Variants in MBD5 observed in about 807,000 individuals in gnomAD.
MBD5 encodes the protein methyl-CpG binding domain protein 5, also known as methyl-CpG-binding domain protein 5.
In MBD5, 13 loss-of-function variants were observed where a neutral mutation model predicts 117.3. That is an observed-to-expected ratio of 0.11 (90% CI 0.07 to 0.18). MBD5 has a LOEUF of 0.18. Among genes scored for constraint, MBD5 ranks in the 10% least tolerant of loss-of-function variants. The probability of loss-of-function intolerance (pLI) is 1.00; values close to 1 mark genes in which losing one functional copy is unlikely to be tolerated. For missense variants in MBD5, 1,879 were observed against 2,093.8 expected (o/e 0.90, Z 2.00); for synonymous variants, 727 against 766.4 (o/e 0.95, Z 0.85).
chr2:148,087,136 G>A (rs1334993500), intron 1 of MBD5, among the ~76,000 whole-genome samples: 1 of 152,134 alleles, frequency 6.6e-6, no homozygotes, highest in East Asian at 1.9e-4. Flanking sequence ...ACCACCACAG[G>A]AGTATACCAG....
chr2:148,405,457 T>TGGAAGAGCATGCCAGGAAAAC (rs1705047195), intron 4 of MBD5, among the ~76,000 whole-genome samples: 3 of 152,048 alleles, frequency 2.0e-5, no homozygotes, highest in African/African-American at 7.3e-5. Flanking sequence ...TCGGAAGAGC[T>TGGAAGAGCATGCCAGGAAAAC]GGAAGAGCAT....
chr2:148,204,627 C>G (rs1312317263), intron 2 of MBD5, among the ~76,000 whole-genome samples: 1 of 152,078 alleles, frequency 6.6e-6, no homozygotes, highest in East Asian at 1.9e-4. Flanking sequence ...TCTGTCTTAT[C>G]CACATCAACA....
In MBD5 at chr2:148,469,940, T is replaced by G; in HGVS notation, c.1997T>G (p.Val666Gly). Residue 666 changes from valine to glycine, a missense_variant, in exon 8 of 14, where the codon GTG becomes GGG. This residue lies in a region of MBD5 where 1,666 missense variants were observed against 1,792.2 expected (regional missense o/e 0.93). Coordinates refer to ENST00000642680, the MANE Select transcript of MBD5 (RefSeq NM_001378120.1). Reference protein sequence around the residue: ...LRKRKQPPTTVLSLLRQSQMD... With the variant: ...LRKRKQPPTTGLSLLRQSQMD... The stretch of plus-strand genomic sequence containing the variant: ...AAAAGAAAACAACCACCTACGACAG[T>G]GTTGAGTTTGCTCAGACAGTCTCAA... 6.2e-7 allele frequency: 1 copy of G among 1,613,966 alleles called. No individual in the cohort carries two copies. Among genetic ancestry groups the G allele is most frequent in the East Asian group, 2.2e-5 (1 of 44,880 alleles).
chr2:148,293,959 A>G (rs897762903), intron 3 of MBD5, among the ~76,000 whole-genome samples: 6 of 152,142 alleles, frequency 3.9e-5, no homozygotes, highest in African/African-American at 1.4e-4. Flanking sequence ...TTTTTCGATC[A>G]ATTAAGGAAA....
At chr2:148,321,273 A>G (rs759615936) in intron 3 of MBD5, among the ~76,000 whole-genome samples, 1 of 152,204 alleles carries the variant, frequency 6.6e-6, no homozygotes, top group Non-Finnish European at 1.5e-5. Flanking sequence ...TGGGCCACAC[A>G]TAAAATACAC....
chr2:148,386,016 G>C (rs1303331463), intron 4 of MBD5, among the ~76,000 whole-genome samples: 1 of 149,612 alleles, frequency 6.7e-6, no homozygotes, highest in Non-Finnish European at 1.5e-5. Flanking sequence ...TGCTAAATGA[G>C]GAGTTAATGG....
At chr2:148,214,478 A>T (rs544384006) in intron 2 of MBD5, among the ~76,000 whole-genome samples, 1 of 152,334 alleles carries the variant, frequency 6.6e-6, no homozygotes, top group South Asian at 2.1e-4. Flanking sequence ...AAGTTTGCCA[A>T]CTTCTGCACT....
rs1459867773 is a variant in MBD5 at position 148,445,342 on chromosome 2, T to TGC, written c.-556-12860_-556-12859insCG. Among the ~76,000 whole-genome samples, 280 of 149,932 alleles carry TGC rather than the reference T, an allele frequency of 1.9e-3. 11 individuals are homozygous for TGC. The highest frequency in any genetic ancestry group is 0.01 in the Middle Eastern group (3 of 294). ...TGATGTTCCCCTTGCTGTGTCCAAA[T>TGC]GTTCTCATTGTTCAGTTCTCACCTA... is the stretch of plus-strand genomic sequence containing the variant. On this transcript the variant is annotated intron_variant, in intron 4 of 13. Transcript: ENST00000642680.
At chr2:148,266,928 A>C (rs1314295988) in intron 3 of MBD5, among the ~76,000 whole-genome samples, 1 of 152,190 alleles carries the variant, frequency 6.6e-6, no homozygotes, top group Admixed American at 6.5e-5. Context: ...TGATTAAAAG[A>C]AAAGCAGAAG....
chr2:148,382,013 T>C (rs933433655), intron 4 of MBD5, among the ~76,000 whole-genome samples: 1 of 152,064 alleles, frequency 6.6e-6, no homozygotes. Flanking sequence ...CATGCCAAAG[T>C]GTAAAGACCA....
At chr2:148,231,259 A>G (rs1244852453) in intron 2 of MBD5, among the ~76,000 whole-genome samples, 1 of 152,098 alleles carries the variant, frequency 6.6e-6, no homozygotes, top group Non-Finnish European at 1.5e-5. Context: ...TTCTGGCTAA[A>G]CAGGCCTGGT....
At chr2:148,175,489 G>A (rs75298597) in intron 1 of MBD5, among the ~76,000 whole-genome samples, 5,259 of 152,216 alleles carry the variant, frequency 0.035, 246 homozygotes, top group African/African-American at 0.1. Flanking sequence ...TGTATGTACA[G>A]CTAAGTGGGG....
At chr2:148,194,840 C>T (rs1698933277) in intron 2 of MBD5, among the ~76,000 whole-genome samples, 1 of 150,302 alleles carries the variant, frequency 6.7e-6, no homozygotes, top group Non-Finnish European at 1.5e-5. Context: ...AGGTGCTAAA[C>T]TTAGAACCAA....
intron 3 of MBD5, among the ~76,000 whole-genome samples, chr2:148,294,348 C>T (rs1701582542): frequency 6.6e-6 from 1 of 150,948 alleles, no homozygotes; most frequent in Non-Finnish European, 1.5e-5. Context: ...CCTCAGCCTC[C>T]CGAGTAGCTG....
At chr2:148,048,855 G>A (rs1335487666) in intron 1 of MBD5, among the ~76,000 whole-genome samples, 1 of 152,052 alleles carries the variant, frequency 6.6e-6, no homozygotes, top group Non-Finnish European at 1.5e-5. Context: ...TCCTAGGGTG[G>A]GTATGAGATA....
chr2:148,327,349 C>T (rs1346525717), intron 3 of MBD5, among the ~76,000 whole-genome samples: 13 of 151,822 alleles, frequency 8.6e-5, no homozygotes, highest in Non-Finnish European at 1.6e-4. Context: ...ATCTTTGTGG[C>T]GTTCTCTGTA....
At chr2:148,057,979 C>A (rs182981909) in intron 1 of MBD5, among the ~76,000 whole-genome samples, 1 of 152,058 alleles carries the variant, frequency 6.6e-6, no homozygotes, top group African/African-American at 2.4e-5. Context: ...ATATTAAAAT[C>A]TTCAATGTGA....
chr2:148,490,628 C>A (rs374340186), intron 11 of MBD5, 34 bp downstream of exon 11: 2 of 1,611,800 alleles, frequency 1.2e-6, no homozygotes, highest in Non-Finnish European at 1.7e-6. Context: ...CAAATACTAA[C>A]CTTTGTTCAG....
At chr2:148,148,377 G>A (rs1697528333) in intron 1 of MBD5, among the ~76,000 whole-genome samples, 1 of 152,170 alleles carries the variant, frequency 6.6e-6, no homozygotes, top group Non-Finnish European at 1.5e-5. Flanking sequence ...TACAACTGGA[G>A]AAGAGGATGG....
Sources: gnomAD v4.1 joint callset for allele counts (sites outside exome capture counted in the v4.1 genomes callset) on GRCh38, gnomAD v4.1.1 for gene constraint, gnomAD v4.1.1 regional missense constraint, MANE v1.5 for transcripts, NCBI Gene and HGNC (gene_info 2026-07-23, HGNC 2026-07-21) for gene names.